PLCG2: variants seen among roughly 807,000 people sequenced by gnomAD.
PLCG2 encodes 1-phosphatidylinositol 4,5-bisphosphate phosphodiesterase gamma-2.
PLCG2 carries 69 observed loss-of-function variants against 175.6 expected under a neutral mutation model. That is an observed-to-expected ratio of 0.39 (90% CI 0.32 to 0.48). The LOEUF is 0.48. Among genes scored for constraint, PLCG2 ranks in the 20% least tolerant of loss-of-function variants. The probability of loss-of-function intolerance (pLI) is 0.91; values close to 1 mark genes in which losing one functional copy is unlikely to be tolerated. For synonymous variants in PLCG2, 827 were observed against 624.0 expected, an observed-to-expected ratio of 1.33 and a Z score of -4.85; for missense variants, 1,798 against 1,650.9, an observed-to-expected ratio of 1.09 and a Z score of -1.54.
At position 81,841,514 on chromosome 16, in the gene PLCG2, T is replaced by G. The variant is rs112662663; in HGVS notation, c.194-12930T>G. On this transcript the variant is annotated intron_variant, in intron 2 of 32. Coordinates refer to ENST00000564138, the MANE Select transcript of PLCG2 (RefSeq NM_002661.5). Reference sequence around the variant, plus strand: ...CTTCGGCCTCCCAAGGTGCTGGGATTACAGGCATGAACCACTGCGCCCGGC... The same window carrying G: ...CTTCGGCCTCCCAAGGTGCTGGGATGACAGGCATGAACCACTGCGCCCGGC... 1.1e-4 allele frequency among the ~76,000 whole-genome samples: 16 copies of G among 152,294 alleles called. 1 individual carries two copies. Among genetic ancestry groups the G allele is most frequent in the African/African-American group, 3.8e-4 (16 of 41,562 alleles).
chr16:81,842,380 C>A lies in PLCG2; in HGVS notation c.194-12064C>A, dbSNP rs184539874. Among the ~76,000 whole-genome samples the A allele has an allele frequency of 1.4e-4, 21 of 152,284 alleles. No homozygotes were observed. The East Asian group carries it at 4.1e-3, about 29-fold the overall frequency. On this transcript the variant is annotated intron_variant, in intron 2 of 32. Coordinates refer to ENST00000564138, the MANE Select transcript of PLCG2 (RefSeq NM_002661.5). ...TATGCCGGCCTGGACAGGGCCTGTC[C>A]TCCCTCCCAGACTCGGAGCCGTCTG... is the stretch of plus-strand genomic sequence containing the variant.
At chr16:81,779,477 C>T (rs1910630797) in intron 1 of PLCG2, 53 bp downstream of exon 1, 1 of 151,576 alleles carries the variant, frequency 6.6e-6, no homozygotes, top group South Asian at 2.1e-4. Flanking sequence ...GACCTGCGCC[C>T]CGCGGGGACC....
intron 2 of PLCG2, among the ~76,000 whole-genome samples, chr16:81,852,716 C>T (rs1260387365): frequency 6.6e-6 from 1 of 152,204 alleles, no homozygotes; most frequent in Non-Finnish European, 1.5e-5. Flanking sequence ...CTTAAGACAA[C>T]AATCATTTTA....
chr16:81,861,961 C>G (rs1191350831), intron 5 of PLCG2, among the ~76,000 whole-genome samples: 2 of 152,216 alleles, frequency 1.3e-5, no homozygotes, highest in Non-Finnish European at 2.9e-5. Context: ...GTGTGCTCAC[C>G]GGCTTCCTCT....
chr16:81,858,492 C>A, intron 4 of PLCG2, 136 bp downstream of exon 4: 1 of 681,928 alleles, frequency 1.5e-6, no homozygotes, highest in Non-Finnish European at 2.7e-6. Flanking sequence ...GTCTTGTATG[C>A]AATGGGTGCC....
At chr16:81,948,476 C>T (rs1336472502) in intron 31 of PLCG2, among the ~76,000 whole-genome samples, 1 of 152,162 alleles carries the variant, frequency 6.6e-6, no homozygotes, top group Non-Finnish European at 1.5e-5. Context: ...TGGGTAGGAG[C>T]TAACCTGCAA....
At chr16:81,933,395 C>T (rs1210425938) in intron 25 of PLCG2, among the ~76,000 whole-genome samples, 2 of 152,136 alleles carry the variant, frequency 1.3e-5, no homozygotes, top group African/African-American at 4.8e-5. Flanking sequence ...CTCTGCCTGT[C>T]CCTAAGTGCC....
At chr16:81,901,605 A>T (rs1391678660) in intron 14 of PLCG2, among the ~76,000 whole-genome samples, 2 of 152,182 alleles carry the variant, frequency 1.3e-5, no homozygotes, top group Admixed American at 6.5e-5. Flanking sequence ...TTACATCTTT[A>T]TTTGTTTAAC....
At chr16:81,779,727 G>C (rs1597313558) in intron 1 of PLCG2, among the ~76,000 whole-genome samples, 1 of 152,316 alleles carries the variant, frequency 6.6e-6, no homozygotes, top group African/African-American at 2.4e-5. Flanking sequence ...GGGTCGTGTG[G>C]GGGCTGGCGT....
intron 1 of PLCG2, among the ~76,000 whole-genome samples, chr16:81,741,471 C>T (rs902218365): frequency 6.6e-6 from 1 of 152,072 alleles, no homozygotes; most frequent in Non-Finnish European, 1.5e-5. Flanking sequence ...CCAATTTGTA[C>T]ATATTTATGG....
chr16:81,809,723 T>C (rs1904301226), intron 2 of PLCG2, among the ~76,000 whole-genome samples: 1 of 151,392 alleles, frequency 6.6e-6, no homozygotes, highest in Admixed American at 6.6e-5. Flanking sequence ...GTCTTTCTCC[T>C]CTTGCCCCTG....
chr16:81,951,525 C>T (rs1911365043), intron 31 of PLCG2, among the ~76,000 whole-genome samples: 1 of 152,178 alleles, frequency 6.6e-6, no homozygotes, highest in South Asian at 2.1e-4. Context: ...ATTCCAATTT[C>T]ACTCCACCAA....
intron 2 of PLCG2, among the ~76,000 whole-genome samples, chr16:81,838,768 A>C (rs1905658726): frequency 9.5e-6 from 1 of 105,476 alleles, no homozygotes; most frequent in Non-Finnish European, 1.8e-5. Context: ...CAGAACTTAA[A>C]GTAAAATTAA....
rs542434788 is a variant in PLCG2 at position 81,960,461 on chromosome 16, T to A, written c.*2463T>A. ...TTCACCATTTTCCTAAGTGTGTTAT[T>A]TAGAATATTGGTTATTACAAGGAAA... is the stretch of plus-strand genomic sequence containing the variant. On this transcript the variant is annotated 3_prime_UTR_variant, in exon 33 of 33. Coordinates refer to ENST00000564138, the MANE Select transcript of PLCG2 (RefSeq NM_002661.5). 21 of 229,096 alleles carry A rather than the reference T, an allele frequency of 9.2e-5. No individual in the cohort carries two copies. Among genetic ancestry groups the A allele is most frequent in the Admixed American group, 8.5e-4 (15 of 17,642 alleles). The allele number at this position is 229,096 out of a possible 1,614,324, so 14.2% of individuals were successfully genotyped here.
At chr16:81,944,865 C>CAA (rs1911089546) in intron 30 of PLCG2, among the ~76,000 whole-genome samples, 1 of 151,848 alleles carries the variant, frequency 6.6e-6, no homozygotes. Context: ...ATATCAAGGG[C>CAA]CAACTGTAGA....
chr16:81,878,241 C>T (rs377175739), intron 7 of PLCG2, among the ~76,000 whole-genome samples: 1 of 152,038 alleles, frequency 6.6e-6, no homozygotes, highest in African/African-American at 2.4e-5. Context: ...GCCTCGGCCT[C>T]ACAAAGTGCT....
intron 30 of PLCG2, among the ~76,000 whole-genome samples, chr16:81,943,951 C>T (rs933666636): frequency 1.3e-5 from 2 of 152,096 alleles, no homozygotes; most frequent in African/African-American, 4.8e-5. Flanking sequence ...ATGCACAGCT[C>T]AGGAATTCTG....
intron 30 of PLCG2, among the ~76,000 whole-genome samples, chr16:81,940,755 G>C (rs1252937406): frequency 6.6e-6 from 1 of 152,142 alleles, no homozygotes; most frequent in Non-Finnish European, 1.5e-5. Context: ...GGACCCTGCT[G>C]CTTCTAGAGC....
chr16:81,889,744 T>C (rs1268090239), intron 10 of PLCG2, among the ~76,000 whole-genome samples: 2 of 152,088 alleles, frequency 1.3e-5, no homozygotes, highest in Non-Finnish European at 2.9e-5. Context: ...AACCTCCGCC[T>C]CCCAGGTTCA....
Sources: allele counts gnomAD v4.1 joint callset (sites outside exome capture counted in the v4.1 genomes callset), GRCh38; gene constraint gnomAD v4.1.1; transcripts MANE v1.5; gene names NCBI Gene and HGNC (gene_info 2026-07-23, HGNC 2026-07-21).